The following CHST9 variants were observed in gnomAD, a reference collection of about 807,000 sequenced individuals.
The protein encoded by CHST9 is GalNAc-4-sulfotransferase 2.
Under a neutral mutation model 44.4 loss-of-function variants are expected in CHST9, and 41 were observed. The observed-to-expected ratio is 0.92, with a 90% CI of 0.72 to 1.20. The LOEUF (loss-of-function observed/expected upper bound fraction) is 1.20, where lower values mean the gene tolerates loss of function less well. Ranked by LOEUF, CHST9 falls within the 50% of genes most tolerant of loss-of-function variation. CHST9 has a pLI of 0.00. For missense variants in CHST9, 504 were observed against 516.5 expected (o/e 0.98, Z 0.23); for synonymous variants, 171 against 178.4 (o/e 0.96, Z 0.33).
At chr18:26,940,188 T>C (rs1361028515) in intron 5 of CHST9, among the ~76,000 whole-genome samples, 1 of 152,116 alleles carries the variant, frequency 6.6e-6, no homozygotes, top group African/African-American at 2.4e-5. Context: ...TTGTGTGCTC[T>C]CAATTGGTCA....
intron 2 of CHST9, among the ~76,000 whole-genome samples, chr18:27,122,358 A>G (rs536390060): frequency 1.3e-5 from 2 of 152,352 alleles, no homozygotes; most frequent in South Asian, 4.1e-4. Flanking sequence ...TTAAAGCTTT[A>G]TAATATTGCA....
At chr18:27,132,646 C>T (rs544490152) in intron 2 of CHST9, among the ~76,000 whole-genome samples, 18 of 152,282 alleles carry the variant, frequency 1.2e-4, no homozygotes, top group South Asian at 4.1e-4. Flanking sequence ...GATTGCTCTG[C>T]GCCATCCTCT....
chr18:27,072,000 G>A (rs896931563), intron 2 of CHST9, among the ~76,000 whole-genome samples: 3 of 152,160 alleles, frequency 2.0e-5, no homozygotes, highest in African/African-American at 7.2e-5. Flanking sequence ...TGCTGTTCCT[G>A]CTTACCATTA....
At chr18:26,957,560 A>T (rs6508460) in intron 4 of CHST9, among the ~76,000 whole-genome samples, 19,212 of 117,846 alleles carry the variant, frequency 0.16, 2,772 homozygotes, top group African/African-American at 0.41. Context: ...GTTTATAACT[A>T]CACTGCAAAA....
At chr18:27,034,758 C>T (rs897494232) in intron 3 of CHST9, among the ~76,000 whole-genome samples, 1 of 152,200 alleles carries the variant, frequency 6.6e-6, no homozygotes, top group Non-Finnish European at 1.5e-5. Flanking sequence ...AGAAGTCTTC[C>T]TCTCCCATTC....
At chr18:27,074,353 CT>C (rs2057875970) in intron 2 of CHST9, among the ~76,000 whole-genome samples, 1 of 152,138 alleles carries the variant, frequency 6.6e-6, no homozygotes. Context: ...CTGACATAGT[CT>C]TTAATGACTG....
At chr18:27,074,655 G>T (rs2057880194) in intron 2 of CHST9, among the ~76,000 whole-genome samples, 1 of 152,012 alleles carries the variant, frequency 6.6e-6, no homozygotes, top group African/African-American at 2.4e-5. Context: ...GCGGGGGTTT[G>T]ATGTTGGTAT....
intron 5 of CHST9, among the ~76,000 whole-genome samples, chr18:26,929,750 TAGG>T (rs1286163793): frequency 4.7e-4 from 71 of 151,360 alleles, no homozygotes; most frequent in African/African-American, 1.7e-3. Context: ...TATTACGGGG[TAGG>T]AGGAGAGAGA....
chr18:27,110,507 C>T (rs953696666), intron 2 of CHST9, among the ~76,000 whole-genome samples: 1 of 152,164 alleles, frequency 6.6e-6, no homozygotes, highest in African/African-American at 2.4e-5. Context: ...CTTCCAGTTC[C>T]CTGCTCTGGC....
chr18:27,113,359 G>A lies in CHST9; in HGVS notation c.121+29330C>T, dbSNP rs144419820. ...AGCTGGTATCCCACTTAACTCAAATGTTATATTTGTTTTTATTTCTCAGTA... is the reference window on the plus strand; with the variant it reads ...AGCTGGTATCCCACTTAACTCAAATATTATATTTGTTTTTATTTCTCAGTA... On this transcript the variant is annotated intron_variant, in intron 2 of 5. Coordinates refer to ENST00000618847, the MANE Select transcript of CHST9 (RefSeq NM_031422.6). Among the ~76,000 whole-genome samples, 1,292 of 152,022 alleles carry A rather than the reference G, an allele frequency of 8.5e-3. 13 individuals are homozygous for A. Among genetic ancestry groups the A allele is most frequent in the South Asian group, 0.027 (130 of 4,804 alleles).
At chr18:27,153,573 T>A (rs930769108) in intron 1 of CHST9, among the ~76,000 whole-genome samples, 1 of 151,208 alleles carries the variant, frequency 6.6e-6, no homozygotes, top group Non-Finnish European at 1.5e-5. Flanking sequence ...TGTGTATGTG[T>A]GTGTGTGTGT....
At chr18:26,974,944 G>A (rs2056599032) in intron 4 of CHST9, among the ~76,000 whole-genome samples, 1 of 152,128 alleles carries the variant, frequency 6.6e-6, no homozygotes, top group Non-Finnish European at 1.5e-5. Context: ...CAAAGTGTTG[G>A]GATTACAGGC....
At chr18:26,919,593 A>T (rs2055608687) in intron 5 of CHST9, among the ~76,000 whole-genome samples, 1 of 152,110 alleles carries the variant, frequency 6.6e-6, no homozygotes, top group Admixed American at 6.6e-5. Context: ...AATCCCAGGG[A>T]CCTGGTGAAT....
At chr18:27,032,765 C>T (rs1251772078) in intron 3 of CHST9, among the ~76,000 whole-genome samples, 2 of 152,146 alleles carry the variant, frequency 1.3e-5, no homozygotes, top group Non-Finnish European at 2.9e-5. Flanking sequence ...TATTAAAACT[C>T]TATGAGATAA....
At chr18:26,920,393 G>A (rs1348700610) in intron 5 of CHST9, among the ~76,000 whole-genome samples, 1 of 152,128 alleles carries the variant, frequency 6.6e-6, no homozygotes, top group Admixed American at 6.5e-5. Flanking sequence ...ACCCTGTCTA[G>A]GTTATTTCCC....
intron 5 of CHST9, among the ~76,000 whole-genome samples, chr18:26,927,159 T>C (rs2055783058): frequency 6.6e-6 from 1 of 152,156 alleles, no homozygotes; most frequent in South Asian, 2.1e-4. Context: ...TCTTGTTCTC[T>C]GGAATGTGGT....
chr18:26,964,795 A>G (rs896930871), intron 4 of CHST9, among the ~76,000 whole-genome samples: 1 of 152,248 alleles, frequency 6.6e-6, no homozygotes, highest in African/African-American at 2.4e-5. Context: ...TTCCAGAACA[A>G]GACTAAAGGA....
At chr18:26,965,960 CAATT>C (rs1173737138) in intron 4 of CHST9, among the ~76,000 whole-genome samples, 1 of 152,176 alleles carries the variant, frequency 6.6e-6, no homozygotes, top group East Asian at 1.9e-4. Context: ...ACAAGATTGA[CAATT>C]AAAACAGAAT....
chr18:27,053,729 A>G (rs2057616610), intron 2 of CHST9, among the ~76,000 whole-genome samples: 1 of 152,182 alleles, frequency 6.6e-6, no homozygotes, highest in Non-Finnish European at 1.5e-5. Flanking sequence ...AGCATCACAG[A>G]GAGGAGTTAG....
Sources: gnomAD v4.1 joint callset for allele counts (sites outside exome capture counted in the v4.1 genomes callset) on GRCh38, gnomAD v4.1.1 for gene constraint, MANE v1.5 for transcripts, NCBI Gene and HGNC (gene_info 2026-07-23, HGNC 2026-07-21) for gene names.